Variants in ZNF512 observed in about 807,000 individuals in gnomAD.
ZNF512 encodes zinc finger protein 512.
In ZNF512, 25 loss-of-function variants were observed where a neutral mutation model predicts 77.5. The ratio of observed to expected loss-of-function variants is 0.32; its 90% CI spans 0.23 to 0.45. The LOEUF is 0.45. Among genes scored for constraint, ZNF512 ranks in the 20% least tolerant of loss-of-function variants. ZNF512 has a pLI of 1.00. For missense variants in ZNF512, 483 were observed against 692.6 expected, an observed-to-expected ratio of 0.70 and a Z score of 3.40; for synonymous variants, 246 against 239.9, an observed-to-expected ratio of 1.03 and a Z score of -0.24.
chr2:27,613,378 C>G (rs1266163046), intron 10 of ZNF512, among the ~76,000 whole-genome samples: 10 of 152,076 alleles, frequency 6.6e-5, no homozygotes, highest in African/African-American at 2.2e-4. Flanking sequence ...CACCTGTAGT[C>G]CTAGCTACTT....
At chr2:27,606,031 G>A (rs879407960) in intron 9 of ZNF512, among the ~76,000 whole-genome samples, 3 of 152,006 alleles carry the variant, frequency 2.0e-5, no homozygotes, top group Non-Finnish European at 2.9e-5. Context: ...ACTTAACTGT[G>A]GTTTAAATTT....
intron 10 of ZNF512, among the ~76,000 whole-genome samples, chr2:27,610,480 ATATATATATATGTGTATATGTG>A (rs1672571406): frequency 7.4e-6 from 1 of 134,836 alleles, no homozygotes; most frequent in Non-Finnish European, 1.6e-5. Flanking sequence ...GTATATGTGT[ATATATATATATGTGTATATGTG>A]TATATATATG....
chr2:27,603,105 T>G, intron 8 of ZNF512, 35 bp from the exon 9 acceptor site: 1 of 1,607,470 alleles, frequency 6.2e-7, no homozygotes, highest in Non-Finnish European at 8.5e-7. Flanking sequence ...TCAAAAGATG[T>G]AAGATTATAG....
chr2:27,584,077 A>G (rs1305423509), intron 2 of ZNF512, among the ~76,000 whole-genome samples: 1 of 152,228 alleles, frequency 6.6e-6, no homozygotes, highest in Non-Finnish European at 1.5e-5. Context: ...ATTGAATTTT[A>G]AATTTTATTT....
chr2:27,603,764 G>A (rs76455267), intron 9 of ZNF512, among the ~76,000 whole-genome samples: 2,016 of 150,930 alleles, frequency 0.013, 37 homozygotes, highest in African/African-American at 0.029. Context: ...CTAATTCTTC[G>A]TTTTTAATTT....
intron 13 of ZNF512, among the ~76,000 whole-genome samples, chr2:27,618,940 C>T (rs1379185860): frequency 6.6e-6 from 1 of 152,144 alleles, no homozygotes; most frequent in African/African-American, 2.4e-5. Context: ...TTTCTGCCCT[C>T]AAATTTGATA....
intron 1 of ZNF512, chr2:27,583,350 T>C: frequency 7.7e-7 from 1 of 1,298,258 alleles, no homozygotes; most frequent in Non-Finnish European, 1.0e-6. Flanking sequence ...CTCGCCACAT[T>C]ACCATTAGTT....
rs113118792 is a variant in ZNF512, at chr2:27,591,675, T to C, written c.90-6392T>C. On this transcript the variant is annotated intron_variant, in intron 2 of 13. Coordinates refer to ENST00000355467, the MANE Select transcript of ZNF512 (RefSeq NM_032434.4). ...CTGCCCACCTCGGCCTCCCAAAGTG[T>C]CGGGATTACAGGCGCGAGTCACCGC... Among the ~76,000 whole-genome samples, 134 of 152,314 alleles carry C rather than the reference T, an allele frequency of 8.8e-4. 1 individual carries two copies. Among genetic ancestry groups the C allele is most frequent in the African/African-American group, 3.1e-3 (130 of 41,588 alleles).
intron 10 of ZNF512, among the ~76,000 whole-genome samples, chr2:27,613,456 A>G (rs1672750002): frequency 6.6e-6 from 1 of 151,742 alleles, no homozygotes; most frequent in Admixed American, 6.6e-5. Flanking sequence ...AGATAGCACC[A>G]CTGGACTCCA....
chr2:27,619,972 A>G (rs1261393690), intron 13 of ZNF512, among the ~76,000 whole-genome samples: 2 of 152,122 alleles, frequency 1.3e-5, no homozygotes, highest in African/African-American at 4.8e-5. Flanking sequence ...ATGTTTTTTC[A>G]GAGTTGATTT....
rs1672202461 is a variant in ZNF512, at chr2:27,603,167, A to G, written c.796A>G (p.Met266Val). 2 of 1,614,204 alleles carry G rather than the reference A, an allele frequency of 1.2e-6. No homozygotes were observed. Among genetic ancestry groups the G allele is most frequent in the Non-Finnish European group, 1.7e-6 (2 of 1,180,032 alleles). ...ESCSSSFTSI[M>V]GYLYHVRKCG... ...TTGCTCCAGTAGCTTCACCAGCATC[A>G]TGGGATATCTCTACCATGTCAGAAA... The change falls in exon 9 of 14, where the codon ATG (methionine) becomes GTG (valine). Residue 266 changes from methionine (M) to valine (V), a missense_variant. Met to Val is a conservative substitution (Grantham distance 21). This residue lies in a region of ZNF512 where 324 missense variants were observed against 525.0 expected (regional missense o/e 0.62). Transcript: ENST00000355467.
Position 27,607,940 on chromosome 2 carries a change from G to A in ZNF512, c.1032G>A (p.Lys344=). The A allele has an allele frequency of 6.2e-7, 1 of 1,614,156 alleles. No homozygotes were observed. Residue 344 remains lysine (K), a synonymous_variant, in exon 10 of 14, where the codon AAG becomes AAA. Coordinates refer to ENST00000355467, the MANE Select transcript of ZNF512 (RefSeq NM_032434.4). ...GCCGAGTTCAGAGACGTTCTGCCAA[G>A]ATAGCTGTATACCACCTACAGGAGC... ...SGGRVQRRSA[K]IAVYHLQELA... is the part of the protein sequence containing the mutation.
chr2:27,590,146 G>C (rs1398597270), intron 2 of ZNF512, among the ~76,000 whole-genome samples: 1 of 152,144 alleles, frequency 6.6e-6, no homozygotes, highest in African/African-American at 2.4e-5. Flanking sequence ...TGCTGAAAGG[G>C]GGAGGTCTTA....
At chr2:27,584,590 A>G (rs576617090) in intron 2 of ZNF512, among the ~76,000 whole-genome samples, 2 of 152,324 alleles carry the variant, frequency 1.3e-5, no homozygotes, top group South Asian at 4.1e-4. Context: ...AGTATTTTTA[A>G]GTAGGAATTT....
rs1190949859 is a variant in ZNF512, at chr2:27,622,476, A to C, written c.*1015A>C. ...TTGAATTTTCTGAGAATATTGTCCT[A>C]TCCTCTTTTATATATGGAGTTCTCT... is the stretch of plus-strand genomic sequence containing the variant. On this transcript the variant is annotated 3_prime_UTR_variant, in exon 14 of 14. Coordinates refer to ENST00000355467, the MANE Select transcript of ZNF512 (RefSeq NM_032434.4). 1 of 152,684 alleles carries C rather than the reference A, an allele frequency of 6.5e-6. No individual in the cohort carries two copies. Among genetic ancestry groups the C allele is most frequent in the South Asian group, 2.1e-4 (1 of 4,822 alleles). The allele number at this position is 152,684 out of a possible 1,614,324, so 9.5% of individuals were successfully genotyped here.
Position 27,621,522 on chromosome 2 carries a change from T to A in ZNF512, c.*61T>A. The A allele has an allele frequency of 6.7e-7, 1 of 1,491,334 alleles. No individual in the cohort carries two copies. Among genetic ancestry groups the A allele is most frequent in the Non-Finnish European group, 8.9e-7 (1 of 1,120,086 alleles). 92.4% of individuals were successfully genotyped at this position (1,491,334 alleles called of 1,614,324 possible). ...GTGATGCTGTTGTCACGGGGACCTGTGCTGGGAGGACTGAGTGAAGATTCT... is the reference window on the plus strand; with the variant it reads ...GTGATGCTGTTGTCACGGGGACCTGAGCTGGGAGGACTGAGTGAAGATTCT... On this transcript the variant is annotated 3_prime_UTR_variant, in exon 14 of 14. Coordinates refer to ENST00000355467, the MANE Select transcript of ZNF512 (RefSeq NM_032434.4).
At position 27,599,149 on chromosome 2, in the gene ZNF512, G is replaced by C. The variant is rs545991611; in HGVS notation, c.278-434G>C. Among the ~76,000 whole-genome samples the C allele has an allele frequency of 1.4e-4, 21 of 152,206 alleles. No individual in the cohort carries two copies. The South Asian group carries it at 3.5e-3, about 26-fold the overall frequency. ...TTACAGATGTGAGTCACCATGGCTG[G>C]CCCCCCTTTTCTTCTAGTGTGATCC... On this transcript the variant is annotated intron_variant, in intron 3 of 13. Coordinates refer to ENST00000355467, the MANE Select transcript of ZNF512 (RefSeq NM_032434.4).
chr2:27,602,386 T>C lies in ZNF512; in HGVS notation c.670-77T>C, dbSNP rs923620198. 7 of 1,426,684 alleles carry C rather than the reference T, an allele frequency of 4.9e-6. No homozygotes were observed. The African/African-American group carries it at 1.0e-4, about 20-fold the overall frequency. The allele number at this position is 1,426,684 out of a possible 1,614,324, so 88.4% of individuals were successfully genotyped here. A position where few individuals can be genotyped will look rare whatever the true frequency, so the allele number is the denominator to read the frequency against. On this transcript the variant is annotated intron_variant, in intron 7 of 13. Coordinates refer to ENST00000355467, the MANE Select transcript of ZNF512 (RefSeq NM_032434.4). The stretch of plus-strand genomic sequence containing the variant: ...CTTAGCTGCCAGTCCAATCCTTGAT[T>C]CTCCTCTGATATTTTTTTTCCCTGT...
At chr2:27,615,333 T>C in intron 11 of ZNF512, 64 bp downstream of exon 11, 1 of 1,086,854 alleles carries the variant, frequency 9.2e-7, no homozygotes, top group Non-Finnish European at 1.3e-6. Context: ...GCTTCTGTTA[T>C]TTATTCCTTC....
Sources: gnomAD v4.1 joint callset for allele counts (sites outside exome capture counted in the v4.1 genomes callset) on GRCh38, gnomAD v4.1.1 for gene constraint, gnomAD v4.1.1 regional missense constraint, MANE v1.5 for transcripts, NCBI Gene and HGNC (gene_info 2026-07-23, HGNC 2026-07-21) for gene names.